CDH22: variants seen among roughly 807,000 people sequenced by gnomAD.
CDH22 encodes the protein cadherin-22.
In CDH22, 30 loss-of-function variants were observed where a neutral mutation model predicts 58.4. The observed-to-expected ratio is 0.51, with a 90% CI of 0.38 to 0.70. The LOEUF (loss-of-function observed/expected upper bound fraction) is 0.70. CDH22 is among the 30% of genes least tolerant of loss of function. CDH22 has a pLI of 0.00. For synonymous variants in CDH22, 513 were observed against 558.2 expected, an observed-to-expected ratio of 0.92 and a Z score of 1.14; for missense variants, 1,014 against 1,233.9, an observed-to-expected ratio of 0.82 and a Z score of 2.67.
At chr20:46,287,647 G>A (rs1036687091) in intron 1 of CDH22, among the ~76,000 whole-genome samples, 2 of 151,830 alleles carry the variant, frequency 1.3e-5, no homozygotes, top group Non-Finnish European at 2.9e-5. Context: ...CAGGCAGGAG[G>A]CCACACCGTG....
At chr20:46,212,153 G>A (rs2086047878) in intron 6 of CDH22, among the ~76,000 whole-genome samples, 1 of 152,172 alleles carries the variant, frequency 6.6e-6, no homozygotes, top group Admixed American at 6.5e-5. Context: ...GACTGTTGAG[G>A]GCAGATGTTG....
At chr20:46,273,606 C>T (rs951617916) in intron 1 of CDH22, among the ~76,000 whole-genome samples, 14 of 152,306 alleles carry the variant, frequency 9.2e-5, no homozygotes, top group Non-Finnish European at 1.5e-4. Context: ...GCTAACAGAG[C>T]GCTGTGCTCA....
chr20:46,178,586 C>T (rs201991584), intron 10 of CDH22, among the ~76,000 whole-genome samples: 43 of 95,322 alleles, frequency 4.5e-4, no homozygotes, highest in South Asian at 7.8e-4. Context: ...CTGGCGTTGT[C>T]TTTTTTTTTT....
chr20:46,279,910 AT>A (rs375969003), intron 1 of CDH22, among the ~76,000 whole-genome samples: 1 of 152,060 alleles, frequency 6.6e-6, no homozygotes, highest in Non-Finnish European at 1.5e-5. Context: ...TTGACGGAGC[AT>A]TTTTTTTAAC....
intron 8 of CDH22, among the ~76,000 whole-genome samples, chr20:46,190,399 G>T (rs561043246): frequency 1.3e-5 from 2 of 152,184 alleles, no homozygotes; most frequent in Non-Finnish European, 2.9e-5. Context: ...CTGATACAAT[G>T]TCAGGGGCCC....
chr20:46,279,061 C>T (rs2086535715), intron 1 of CDH22, among the ~76,000 whole-genome samples: 1 of 152,200 alleles, frequency 6.6e-6, no homozygotes, highest in African/African-American at 2.4e-5. Context: ...CTATGTGGCT[C>T]TAAGTGAATC....
At chr20:46,189,953 T>C (rs995674303) in intron 8 of CDH22, among the ~76,000 whole-genome samples, 4 of 152,046 alleles carry the variant, frequency 2.6e-5, no homozygotes, top group Non-Finnish European at 5.9e-5. Context: ...AGTGATTTTT[T>C]TTTTTTTTTT....
chr20:46,257,012 G>GA (rs35160313), intron 1 of CDH22, among the ~76,000 whole-genome samples: 73,088 of 136,088 alleles, frequency 0.54, 18,381 homozygotes, highest in South Asian at 0.6. Context: ...GTCTCTAAAA[G>GA]AAAAAAAAAA....
At chr20:46,220,271 A>G (rs2086114218) in intron 4 of CDH22, among the ~76,000 whole-genome samples, 1 of 152,020 alleles carries the variant, frequency 6.6e-6, no homozygotes, top group African/African-American at 2.4e-5. Flanking sequence ...ACAGAGACCT[A>G]GAGAGAAACA....
chr20:46,284,179 C>T (rs1181325043), intron 1 of CDH22, among the ~76,000 whole-genome samples: 1 of 151,878 alleles, frequency 6.6e-6, no homozygotes, highest in East Asian at 1.9e-4. Context: ...GGGTCTGACG[C>T]ACAGACCCAG....
At chr20:46,211,663 G>A (rs535312407) in intron 6 of CDH22, among the ~76,000 whole-genome samples, 123 of 152,282 alleles carry the variant, frequency 8.1e-4, no homozygotes, top group African/African-American at 2.6e-3. Context: ...TGGAGTCCCC[G>A]GGCTGAGTTT....
intron 7 of CDH22, among the ~76,000 whole-genome samples, chr20:46,208,206 C>T (rs1281137668): frequency 6.6e-6 from 1 of 152,134 alleles, no homozygotes; most frequent in African/African-American, 2.4e-5. Context: ...CACTGGCCAT[C>T]CCCCCAGCCC....
intron 8 of CDH22, among the ~76,000 whole-genome samples, chr20:46,192,841 A>T (rs1289354380): frequency 6.6e-6 from 1 of 151,998 alleles, no homozygotes; most frequent in Non-Finnish European, 1.5e-5. Flanking sequence ...GGACGAGCAG[A>T]TGGGGGTGCT....
intron 10 of CDH22, among the ~76,000 whole-genome samples, chr20:46,182,929 C>G (rs957780331): frequency 5.9e-5 from 9 of 152,156 alleles, no homozygotes; most frequent in Non-Finnish European, 1.2e-4. Context: ...AGGCCTTCCA[C>G]GGCTGCTGTG....
At chr20:46,218,235 C>T (rs564672052) in intron 4 of CDH22, among the ~76,000 whole-genome samples, 2 of 152,318 alleles carry the variant, frequency 1.3e-5, no homozygotes, top group South Asian at 2.1e-4. Flanking sequence ...CAAATACATA[C>T]ACTTTCAAAC....
At chr20:46,287,842 G>A (rs1338134300) in intron 1 of CDH22, among the ~76,000 whole-genome samples, 2 of 152,132 alleles carry the variant, frequency 1.3e-5, no homozygotes, top group Non-Finnish European at 2.9e-5. Context: ...TCAGGTGGCT[G>A]AGAATGAAAC....
Position 46,209,626 on chromosome 20 carries a change from G to C in CDH22, c.1286+681C>G, listed in dbSNP as rs6032722. ...AAGAGAAAACGGTGGTCGGGACCAAGGTGGTAGCAGCAGAGGTGGTGAGAA... is the reference window on the plus strand; with the variant it reads ...AAGAGAAAACGGTGGTCGGGACCAACGTGGTAGCAGCAGAGGTGGTGAGAA... On this transcript the variant is annotated intron_variant, in intron 7 of 11. Transcript: ENST00000537909. 7.2e-5 allele frequency among the ~76,000 whole-genome samples: 11 copies of C among 152,196 alleles called. No homozygotes were observed. In the East Asian group the frequency reaches 2.1e-3, roughly 29 times the overall value.
chr20:46,222,648 A>C (rs2086135424), intron 4 of CDH22, among the ~76,000 whole-genome samples: 1 of 152,146 alleles, frequency 6.6e-6, no homozygotes, highest in Admixed American at 6.5e-5. Context: ...CCCCAGTTCC[A>C]GCTGTTGTCC....
At chr20:46,221,970 T>G (rs1253145619) in intron 4 of CDH22, among the ~76,000 whole-genome samples, 2 of 152,342 alleles carry the variant, frequency 1.3e-5, no homozygotes, top group African/African-American at 4.8e-5. Flanking sequence ...TCAGATAGGC[T>G]GCAGGAGGAC....
Sources: gnomAD v4.1 joint callset for allele counts (sites outside exome capture counted in the v4.1 genomes callset) on GRCh38, gnomAD v4.1.1 for gene constraint, MANE v1.5 for transcripts, NCBI Gene and HGNC (gene_info 2026-07-23, HGNC 2026-07-21) for gene names.